The following ALDH3A2 variants were observed in gnomAD, a reference collection of about 807,000 sequenced individuals.
ALDH3A2 encodes the protein aldehyde dehydrogenase 3 family member A2.
Under a neutral mutation model 51.3 loss-of-function variants are expected in ALDH3A2, and 36 were observed. That is an observed-to-expected ratio of 0.70 (90% CI 0.54 to 0.93). The LOEUF is 0.93. Among genes scored for constraint, ALDH3A2 ranks in the 40% least tolerant of loss-of-function variants. The probability of loss-of-function intolerance (pLI) is 0.00; values close to 1 mark genes in which losing one functional copy is unlikely to be tolerated. For missense variants in ALDH3A2, 552 were observed against 603.1 expected, an observed-to-expected ratio of 0.92 and a Z score of 0.89; for synonymous variants, 199 against 219.8, an observed-to-expected ratio of 0.91 and a Z score of 0.84.
At position 19,648,947 on chromosome 17, in the gene ALDH3A2, G is replaced by A. The variant is rs771536748; in HGVS notation, c.-25G>A. On this transcript the variant is annotated 5_prime_UTR_variant, in exon 1 of 10. It adds an upstream start codon to the 5' untranslated region. Coordinates refer to ENST00000176643, the MANE Select transcript of ALDH3A2 (RefSeq NM_000382.3). ...TCCCACTCCCCAGCGCCCCCGGACC[G>A]TGCAGTTCTCTGCAGGACCAGGCCA... 7.6e-6 allele frequency: 12 copies of A among 1,571,300 alleles called. No homozygotes were observed. The highest frequency in any genetic ancestry group is 2.1e-4 in the Middle Eastern group (1 of 4,838).
rs1239954374 is a variant in ALDH3A2, at chr17:19,656,569, T to C, written c.675T>C (p.Val225=). ...ATAAAGATTGTGACCTGGACATTGT[T>C]TGCAGGTGAGTCTGGCTCTCTGATT... ...YIDKDCDLDI[V]CRRITWGKYM... is the part of the protein sequence containing the mutation. The change falls in exon 4 of 10, where the codon GTT becomes GTC. Residue 225 remains valine, a synonymous_variant. Transcript: ENST00000176643. 2.5e-6 allele frequency: 4 copies of C among 1,611,000 alleles called. No homozygotes were observed. The highest frequency in any genetic ancestry group is 3.4e-6 in the Non-Finnish European group (4 of 1,178,278).
At chr17:19,672,557 T>C in intron 9 of ALDH3A2, 1 of 175,652 alleles carries the variant, frequency 5.7e-6, no homozygotes, top group Non-Finnish European at 1.2e-5. Flanking sequence ...AGCTGCCTTC[T>C]CAAAGCAGTT....
chr17:19,658,340 TTAAAG>T (rs1335226107), intron 5 of ALDH3A2, among the ~76,000 whole-genome samples: 4 of 152,196 alleles, frequency 2.6e-5, no homozygotes, highest in Admixed American at 1.3e-4. Context: ...TTCAGCGTGT[TTAAAG>T]TAAATATTTG....
intron 3 of ALDH3A2, among the ~76,000 whole-genome samples, chr17:19,655,966 C>G (rs913281188): frequency 6.6e-6 from 1 of 152,244 alleles, no homozygotes; most frequent in Non-Finnish European, 1.5e-5. Flanking sequence ...TAAGCCCACT[C>G]TGTGTTGTGA....
intron 9 of ALDH3A2, chr17:19,674,356 AC>A (rs1844494616): frequency 6.6e-6 from 1 of 152,006 alleles, no homozygotes; most frequent in Non-Finnish European, 1.5e-5. Context: ...ATCTTACCAA[AC>A]CCCCAAGAAG....
chr17:19,675,486 G>GT, intron 9 of ALDH3A2, 72 bp from the exon 10 acceptor site: 1 of 1,488,764 alleles, frequency 6.7e-7, no homozygotes, highest in Non-Finnish European at 9.4e-7. Context: ...TGCTGAGCTT[G>GT]TGTTGCAAGG....
chr17:19,661,379 G>C (rs1321720177), intron 6 of ALDH3A2, 111 bp downstream of exon 6: 2 of 1,293,786 alleles, frequency 1.5e-6, no homozygotes, highest in African/African-American at 3.0e-5. Flanking sequence ...AATTGTTAAA[G>C]TACTAAATCC....
chr17:19,659,909 C>T lies in ALDH3A2; in HGVS notation c.799-1218C>T, dbSNP rs546348622. Among the ~76,000 whole-genome samples the T allele has an allele frequency of 1.3e-3, 193 of 151,674 alleles. No homozygotes were observed. In the Middle Eastern group the frequency reaches 0.014, roughly 11 times the overall value. On this transcript the variant is annotated intron_variant, in intron 5 of 9. Transcript: ENST00000176643. ...CAGGACAATAGTTCACTATGTGTTC[C>T]AGGCAGAGTAACTTGGGGGATGAGG... is the stretch of plus-strand genomic sequence containing the variant.
intron 5 of ALDH3A2, among the ~76,000 whole-genome samples, 181 bp from the exon 6 acceptor site, chr17:19,660,946 A>G (rs1281082352): frequency 2.0e-5 from 3 of 152,050 alleles, no homozygotes; most frequent in African/African-American, 7.2e-5. Flanking sequence ...CTGGTCCTCG[A>G]CCTGCCAAAA....
chr17:19,653,268 C>G (rs914818043), intron 3 of ALDH3A2, among the ~76,000 whole-genome samples: 17 of 152,054 alleles, frequency 1.1e-4, no homozygotes, highest in Non-Finnish European at 4.4e-5. Flanking sequence ...TGGTCTCGAG[C>G]TCCTGACCTC....
intron 3 of ALDH3A2, chr17:19,656,064 C>T: frequency 2.4e-6 from 1 of 411,236 alleles, no homozygotes. Context: ...ACCCGCGTCT[C>T]ATGCATTTTC....
Position 19,664,334 on chromosome 17 carries a change from C to T in ALDH3A2, c.1108-614C>T, listed in dbSNP as rs945398601. Among the ~76,000 whole-genome samples, 3 of 152,312 alleles carry T rather than the reference C, an allele frequency of 2.0e-5. No homozygotes were observed. In the South Asian group the frequency reaches 6.2e-4, roughly 32 times the overall value. ...TGGAGCACTTCCCAGCAGTGGGTCA[C>T]CCGAGGTCACTATAGTCCAGACTTG... On this transcript the variant is annotated intron_variant, in intron 7 of 9. Transcript: ENST00000176643.
chr17:19,666,052 G>C (rs1269579463), intron 8 of ALDH3A2, among the ~76,000 whole-genome samples: 1 of 152,104 alleles, frequency 6.6e-6, no homozygotes, highest in Admixed American at 6.5e-5. Context: ...ATGAGTGAGG[G>C]ACAGGCGGGA....
chr17:19,648,981 G>C lies in ALDH3A2; in HGVS notation c.10G>C (p.Glu4Gln). Residue 4 changes from glutamate to glutamine, a missense_variant, in exon 1 of 10, where the codon GAA (glutamate) becomes CAA (glutamine). Glu to Gln is a conservative substitution (Grantham distance 29, BLOSUM62 2). Transcript: ENST00000176643. ...TCTGCAGGACCAGGCCATGGAGCTC[G>C]AAGTCCGGCGGGTCCGACAGGCGTT... is the stretch of plus-strand genomic sequence containing the variant. MEL[E>Q]VRRVRQAFLS... The C allele has an allele frequency of 6.3e-7, 1 of 1,588,782 alleles. No individual in the cohort carries two copies. Among genetic ancestry groups the C allele is most frequent in the South Asian group, 1.1e-5 (1 of 87,290 alleles).
chr17:19,653,660 C>T (rs1021551271), intron 3 of ALDH3A2, among the ~76,000 whole-genome samples: 3 of 152,126 alleles, frequency 2.0e-5, no homozygotes, highest in Non-Finnish European at 2.9e-5. Flanking sequence ...TGCAGACCTT[C>T]GCAGTGAGTG....
intron 5 of ALDH3A2, 26 bp downstream of exon 5, chr17:19,657,888 A>G: frequency 6.6e-7 from 1 of 1,513,354 alleles, no homozygotes; most frequent in African/African-American, 1.4e-5. Context: ...ATCTGATTCC[A>G]CTGATTTTAA....
At chr17:19,655,462 C>T (rs746640263) in intron 3 of ALDH3A2, 1 of 152,194 alleles carries the variant, frequency 6.6e-6, no homozygotes, top group African/African-American at 2.4e-5. Context: ...TAATAATGCT[C>T]TACCAGCTTC....
intron 8 of ALDH3A2, among the ~76,000 whole-genome samples, chr17:19,670,968 T>A (rs1050633286): frequency 6.6e-6 from 1 of 152,216 alleles, no homozygotes; most frequent in Non-Finnish European, 1.5e-5. Flanking sequence ...TCCTGCAGCC[T>A]GGCCTTGGTA....
chr17:19,660,594 C>T (rs1796149578), intron 5 of ALDH3A2, among the ~76,000 whole-genome samples: 1 of 152,190 alleles, frequency 6.6e-6, no homozygotes, highest in Admixed American at 6.5e-5. Context: ...GTTTCACCAT[C>T]ATGTGTAAGT....
Sources: allele counts gnomAD v4.1 joint callset (sites outside exome capture counted in the v4.1 genomes callset), GRCh38; gene constraint gnomAD v4.1.1; transcripts MANE v1.5; gene names NCBI Gene and HGNC (gene_info 2026-07-23, HGNC 2026-07-21).